CBFA2T3: variants seen among roughly 807,000 people sequenced by gnomAD.
CBFA2T3 encodes CBFA2/RUNX1 partner transcriptional co-repressor 3, also known as transcriptional corepressor CBFA2T3.
Under a neutral mutation model 58.6 loss-of-function variants are expected in CBFA2T3, and 31 were observed. The ratio of observed to expected loss-of-function variants is 0.53; its 90% CI spans 0.40 to 0.71. The LOEUF (loss-of-function observed/expected upper bound fraction) is 0.71. CBFA2T3 is among the 30% of genes least tolerant of loss of function. The pLI is 0.00. For synonymous variants in CBFA2T3, 531 were observed against 421.9 expected, an observed-to-expected ratio of 1.26 and a Z score of -3.17; for missense variants, 1,076 against 963.1, an observed-to-expected ratio of 1.12 and a Z score of -1.55.
chr16:88,948,406 TG>T (rs1971961338), intron 1 of CBFA2T3, among the ~76,000 whole-genome samples: 1 of 152,162 alleles, frequency 6.6e-6, no homozygotes, highest in Non-Finnish European at 1.5e-5. Context: ...CAGGGGTAGC[TG>T]GGAAAAGGAC....
intron 1 of CBFA2T3, among the ~76,000 whole-genome samples, chr16:88,902,900 G>A (rs8058255): frequency 0.048 from 7,334 of 151,736 alleles, 260 homozygotes; most frequent in African/African-American, 0.1. Context: ...GACACCTGTG[G>A]GTCTCACCCA....
intron 5 of CBFA2T3, among the ~76,000 whole-genome samples, chr16:88,887,853 C>T (rs1423893118): frequency 1.3e-5 from 2 of 152,168 alleles, no homozygotes; most frequent in Non-Finnish European, 2.9e-5. Flanking sequence ...GATGGGCGCT[C>T]AGGCTGGGGA....
intron 1 of CBFA2T3, among the ~76,000 whole-genome samples, chr16:88,942,952 C>T (rs144068640): frequency 2.0e-5 from 3 of 152,310 alleles, no homozygotes; most frequent in Admixed American, 6.5e-5. Flanking sequence ...AGTCCCCATG[C>T]GGTGGGTGTG....
intron 1 of CBFA2T3, among the ~76,000 whole-genome samples, chr16:88,967,285 G>T (rs991282724): frequency 6.6e-6 from 1 of 152,056 alleles, no homozygotes; most frequent in Non-Finnish European, 1.5e-5. Flanking sequence ...AGTCAGCCTC[G>T]CAGGTGTCGA....
At position 88,885,420 on chromosome 16, in the gene CBFA2T3, G is replaced by C; in HGVS notation, c.894-151C>G. 1 of 548,688 alleles carries C rather than the reference G, an allele frequency of 1.8e-6. No individual in the cohort carries two copies. Among genetic ancestry groups the C allele is most frequent in the Non-Finnish European group, 3.1e-6 (1 of 327,858 alleles). The allele number at this position is 548,688 out of a possible 1,614,324, so 34.0% of individuals were successfully genotyped here. A position where few individuals can be genotyped will look rare whatever the true frequency, so the allele number is the denominator to read the frequency against. On this transcript the variant is annotated intron_variant, in intron 6 of 11. Coordinates refer to ENST00000268679, the MANE Select transcript of CBFA2T3 (RefSeq NM_005187.6). This position sits in a 1 kb window ranked among gnomAD's most constrained non-coding sequence, Gnocchi z 5.3. ...AACACGGAGCAAAACACCAGCCCCG[G>C]GAAGCCCAGCCCGGCGCCCCCACTC...
rs1284524995 is a variant in CBFA2T3, at chr16:88,885,141, T to C, written c.1022A>G (p.His341Arg). The C allele has an allele frequency of 6.2e-7, 1 of 1,601,026 alleles. No individual in the cohort carries two copies. The highest frequency in any genetic ancestry group is 2.2e-5 in the East Asian group (1 of 44,604). ...CATGGCTATGTCCTCCAGGCGGTAG[T>C]GCGGCGGCGGTGTGGGCTGCGGTGG... ...NGPPQPTPPP[H>R]YRLEDIAMAH... The change falls in exon 7 of 12, where the codon CAC becomes CGC. Residue 341 changes from histidine to arginine, a missense_variant. Coordinates refer to ENST00000268679, the MANE Select transcript of CBFA2T3 (RefSeq NM_005187.6). This position sits in a 1 kb window ranked among gnomAD's most constrained non-coding sequence, Gnocchi z 5.3.
At chr16:88,942,022 G>T (rs1971759024) in intron 1 of CBFA2T3, among the ~76,000 whole-genome samples, 1 of 151,938 alleles carries the variant, frequency 6.6e-6, no homozygotes, top group Non-Finnish European at 1.5e-5. Flanking sequence ...AGCCTCCCGG[G>T]CGGGTCCGAT....
At chr16:88,957,147 C>T (rs1972239294) in intron 1 of CBFA2T3, among the ~76,000 whole-genome samples, 2 of 152,212 alleles carry the variant, frequency 1.3e-5, no homozygotes, top group Non-Finnish European at 2.9e-5. Context: ...CCAGCAGAAC[C>T]ATCATCACAC....
At position 88,885,907 on chromosome 16, in the gene CBFA2T3, G is replaced by T; in HGVS notation, c.893+54C>A. 1 of 1,469,260 alleles carries T rather than the reference G, an allele frequency of 6.8e-7. No homozygotes were observed. The allele number at this position is 1,469,260 out of a possible 1,614,324, so 91.0% of individuals were successfully genotyped here. On this transcript the variant is annotated intron_variant, in intron 6 of 11. Coordinates refer to ENST00000268679, the MANE Select transcript of CBFA2T3 (RefSeq NM_005187.6). This position sits in a 1 kb window ranked among gnomAD's most constrained non-coding sequence, Gnocchi z 5.3. ...CCTCTCTTACCCAGAGGGGAGCAGGGTGAGCCGCGTGTCCACGGCACCCCC... is the reference window on the plus strand; with the variant it reads ...CCTCTCTTACCCAGAGGGGAGCAGGTTGAGCCGCGTGTCCACGGCACCCCC...
At chr16:88,973,766 C>T (rs1972716568) in intron 1 of CBFA2T3, among the ~76,000 whole-genome samples, 1 of 152,188 alleles carries the variant, frequency 6.6e-6, no homozygotes, top group African/African-American at 2.4e-5. Context: ...TAGAGGGAGC[C>T]CAGGCTGACC....
chr16:88,905,535 G>C (rs1054363028), intron 1 of CBFA2T3, among the ~76,000 whole-genome samples: 9 of 151,808 alleles, frequency 5.9e-5, no homozygotes, highest in Non-Finnish European at 1.2e-4. Flanking sequence ...AGCTCGCCCA[G>C]GGTAGCCTTC....
chr16:88,948,785 C>A (rs1442490747), intron 1 of CBFA2T3, among the ~76,000 whole-genome samples: 2 of 152,224 alleles, frequency 1.3e-5, no homozygotes, highest in Admixed American at 6.5e-5. Context: ...AGCTGGCTGG[C>A]CTACACATTT....
At position 88,876,174 on chromosome 16, in the gene CBFA2T3, G is replaced by A. The variant is rs998986160; in HGVS notation, c.*802C>T. 2 of 232,166 alleles carry A rather than the reference G, an allele frequency of 8.6e-6. No individual in the cohort carries two copies. Among genetic ancestry groups the A allele is most frequent in the Non-Finnish European group, 1.7e-5 (2 of 117,158 alleles). 14.4% of individuals were successfully genotyped at this position (232,166 alleles called of 1,614,324 possible). On this transcript the variant is annotated 3_prime_UTR_variant, in exon 12 of 12. Coordinates refer to ENST00000268679, the MANE Select transcript of CBFA2T3 (RefSeq NM_005187.6). ...TTTTTGGATTTCCTTTGGAGCAGAG[G>A]TGTGTCCGGTATCCTTGGCTGGCTA... is the stretch of plus-strand genomic sequence containing the variant.
chr16:88,965,039 C>A (rs1365792122), intron 1 of CBFA2T3, among the ~76,000 whole-genome samples: 1 of 150,902 alleles, frequency 6.6e-6, no homozygotes, highest in African/African-American at 2.4e-5. Flanking sequence ...ATGCACTTCT[C>A]CATCCATCCA....
intron 1 of CBFA2T3, among the ~76,000 whole-genome samples, chr16:88,940,648 G>A (rs1031496276): frequency 4.6e-5 from 7 of 152,106 alleles, no homozygotes; most frequent in African/African-American, 1.4e-4. Context: ...TCCCCAGACC[G>A]GCCGCCGCCA....
At chr16:88,890,298 A>G (rs1969576462) in intron 5 of CBFA2T3, among the ~76,000 whole-genome samples, 1 of 152,214 alleles carries the variant, frequency 6.6e-6, no homozygotes, top group African/African-American at 2.4e-5. Flanking sequence ...ACCGAAGCAC[A>G]GAGGAACTGG....
chr16:88,913,266 G>A (rs1010980466), intron 1 of CBFA2T3, among the ~76,000 whole-genome samples: 4 of 152,232 alleles, frequency 2.6e-5, no homozygotes, highest in Admixed American at 1.3e-4. Flanking sequence ...GGGTTGGCCC[G>A]GCCACTTGGT....
chr16:88,960,934 A>G (rs1345629243), intron 1 of CBFA2T3, among the ~76,000 whole-genome samples: 2 of 152,266 alleles, frequency 1.3e-5, no homozygotes, highest in Non-Finnish European at 2.9e-5. Flanking sequence ...ACTGATTTTT[A>G]GTGCATGTCC....
chr16:88,897,031 G>A (rs1486904457), intron 3 of CBFA2T3, among the ~76,000 whole-genome samples: 2 of 152,230 alleles, frequency 1.3e-5, no homozygotes. Context: ...GGGCACACGC[G>A]AGCACCCCCG....
Sources: allele counts gnomAD v4.1 joint callset (sites outside exome capture counted in the v4.1 genomes callset), GRCh38; gene constraint gnomAD v4.1.1; non-coding constraint Gnocchi (gnomAD v3.1); transcripts MANE v1.5; gene names NCBI Gene and HGNC (gene_info 2026-07-23, HGNC 2026-07-21).